The following GALNT13 variants were observed in gnomAD, a reference collection of about 807,000 sequenced individuals.
The protein encoded by GALNT13 is polypeptide N-acetylgalactosaminyltransferase 13.
Under a neutral mutation model 64.2 loss-of-function variants are expected in GALNT13, and 28 were observed. The ratio of observed to expected loss-of-function variants is 0.44; its 90% CI spans 0.32 to 0.60. The LOEUF is 0.60. Among genes scored for constraint, GALNT13 ranks in the 20% least tolerant of loss-of-function variants. GALNT13 has a pLI of 0.05. For synonymous variants in GALNT13, 214 were observed against 224.6 expected, an observed-to-expected ratio of 0.95 and a Z score of 0.42; for missense variants, 577 against 669.8, an observed-to-expected ratio of 0.86 and a Z score of 1.53.
At chr2:154,194,991 CATTAGGT>C (rs890036842) in intron 4 of GALNT13, among the ~76,000 whole-genome samples, 4 of 151,768 alleles carry the variant, frequency 2.6e-5, no homozygotes, top group Non-Finnish European at 5.9e-5. Flanking sequence ...GCCCCACGTG[CATTAGGT>C]ATTTGTCCTA....
the GALNT13 span, among the ~76,000 whole-genome samples, chr2:153,433,862 G>C: frequency 6.6e-6 from 1 of 151,584 alleles, no homozygotes; most frequent in East Asian, 1.9e-4. Flanking sequence ...AAGTTTTAGG[G>C]TACATGTGCA....
the GALNT13 span, among the ~76,000 whole-genome samples, chr2:153,338,183 C>A: frequency 1.1e-4 from 17 of 152,180 alleles, no homozygotes; most frequent in Admixed American, 7.9e-4. Flanking sequence ...GTCCTAGCTA[C>A]TCTGGAGGAT....
At chr2:154,235,429 A>C (rs1456385190) in intron 4 of GALNT13, among the ~76,000 whole-genome samples, 1 of 152,160 alleles carries the variant, frequency 6.6e-6, no homozygotes, top group Non-Finnish European at 1.5e-5. Context: ...ATTATGAAAC[A>C]ATCACTTTTT....
intron 4 of GALNT13, among the ~76,000 whole-genome samples, chr2:154,240,606 G>T (rs538531830): frequency 6.6e-6 from 1 of 152,270 alleles, no homozygotes; most frequent in South Asian, 2.1e-4. Flanking sequence ...GTATATGGAC[G>T]GACGGGCAGG....
At chr2:153,153,284 T>C in the GALNT13 span, among the ~76,000 whole-genome samples, 20 of 152,114 alleles carry the variant, frequency 1.3e-4, no homozygotes, top group Non-Finnish European at 2.6e-4. Context: ...AAGTTCCTTA[T>C]AGATGCTGTA....
At chr2:154,414,618 T>C (rs2105406252) in intron 11 of GALNT13, among the ~76,000 whole-genome samples, 1 of 152,122 alleles carries the variant, frequency 6.6e-6, no homozygotes, top group East Asian at 1.9e-4. Flanking sequence ...AAAACTGGCA[T>C]TTAAACATTT....
At chr2:154,156,629 C>T (rs1410720106) in intron 4 of GALNT13, among the ~76,000 whole-genome samples, 1 of 152,072 alleles carries the variant, frequency 6.6e-6, no homozygotes, top group Admixed American at 6.6e-5. Flanking sequence ...TAAGGAACTT[C>T]CTCAGGGTCA....
chr2:153,338,103 C>G, the GALNT13 span, among the ~76,000 whole-genome samples: 8 of 151,832 alleles, frequency 5.3e-5, no homozygotes, highest in Admixed American at 4.6e-4. Context: ...CCACCCTGGG[C>G]AATTTATTGA....
the GALNT13 span, among the ~76,000 whole-genome samples, chr2:153,363,978 G>A: frequency 0.48 from 73,394 of 151,868 alleles, 18,409 homozygotes; most frequent in Non-Finnish European, 0.54. Flanking sequence ...ACATCAACAC[G>A]AAAATCCTCA....
At chr2:153,659,525 G>A in the GALNT13 span, among the ~76,000 whole-genome samples, 1 of 151,876 alleles carries the variant, frequency 6.6e-6, no homozygotes, top group Non-Finnish European at 1.5e-5. Context: ...CTAGTTGATG[G>A]GCAAAACACA....
chr2:153,242,096 A>C, the GALNT13 span, among the ~76,000 whole-genome samples: 9 of 152,152 alleles, frequency 5.9e-5, no homozygotes, highest in African/African-American at 2.2e-4. Context: ...TGAACAATTA[A>C]AAGCCTTTGC....
At chr2:154,449,426 CAAAAAAAAAAAAAA>C (rs201483247) in intron 12 of GALNT13, among the ~76,000 whole-genome samples, 1 of 105,872 alleles carries the variant, frequency 9.4e-6, no homozygotes, top group Admixed American at 1.3e-4. Flanking sequence ...TATCATGAGC[CAAAAAAAAAAAAAA>C]AAAAAAAAAA....
chr2:154,224,355 T>G (rs1034362895), intron 4 of GALNT13, among the ~76,000 whole-genome samples: 1 of 152,076 alleles, frequency 6.6e-6, no homozygotes, highest in Non-Finnish European at 1.5e-5. Flanking sequence ...AATCAAACTC[T>G]AGTTAATAAA....
At chr2:154,352,153 A>G (rs1370528660) in intron 9 of GALNT13, among the ~76,000 whole-genome samples, 2 of 152,180 alleles carry the variant, frequency 1.3e-5, no homozygotes, top group Non-Finnish European at 2.9e-5. Flanking sequence ...CCCTTTTAAT[A>G]AATAAGTTGA....
At chr2:153,634,027 C>T in the GALNT13 span, among the ~76,000 whole-genome samples, 190 of 152,162 alleles carry the variant, frequency 1.2e-3, 2 homozygotes, top group African/African-American at 4.4e-3. Context: ...CATTTTCCAT[C>T]GTCTCATTGA....
chr2:153,193,546 T>C, the GALNT13 span, among the ~76,000 whole-genome samples: 1 of 151,934 alleles, frequency 6.6e-6, no homozygotes, highest in African/African-American at 2.4e-5. Flanking sequence ...TGTATACATA[T>C]GTAACTAACC....
chr2:153,536,351 A>G, the GALNT13 span, among the ~76,000 whole-genome samples: 1 of 152,180 alleles, frequency 6.6e-6, no homozygotes, highest in Non-Finnish European at 1.5e-5. Context: ...TTACTGCTTC[A>G]ATGTGTTGTA....
intron 2 of GALNT13, among the ~76,000 whole-genome samples, chr2:153,902,926 T>C (rs1189361646): frequency 2.0e-5 from 3 of 152,070 alleles, no homozygotes; most frequent in Non-Finnish European, 4.4e-5. Context: ...CAGTGTACCA[T>C]CATTTATCTA....
chr2:153,411,763 A>T, the GALNT13 span, among the ~76,000 whole-genome samples: 1 of 152,236 alleles, frequency 6.6e-6, no homozygotes. Flanking sequence ...CTGCATAAGC[A>T]TGGTAGAAAT....
Sources: gnomAD v4.1 joint callset for allele counts (sites outside exome capture counted in the v4.1 genomes callset) on GRCh38, gnomAD v4.1.1 for gene constraint, MANE v1.5 for transcripts, NCBI Gene and HGNC (gene_info 2026-07-23, HGNC 2026-07-21) for gene names.